The following GPC5 variants were observed in gnomAD, a reference collection of about 807,000 sequenced individuals.
GPC5 encodes the protein glypican-5.
GPC5 carries 47 observed loss-of-function variants against 53.9 expected under a neutral mutation model. The observed-to-expected ratio is 0.87, with a 90% CI of 0.69 to 1.11. GPC5 has a LOEUF of 1.11. Ranked by LOEUF, GPC5 falls within the 50% of genes most tolerant of loss-of-function variation. GPC5 has a pLI of 0.00. For synonymous variants in GPC5, 286 were observed against 263.3 expected, an observed-to-expected ratio of 1.09 and a Z score of -0.84; for missense variants, 748 against 713.1, an observed-to-expected ratio of 1.05 and a Z score of -0.56.
At chr13:91,885,551 T>G (rs535934753) in intron 5 of GPC5, among the ~76,000 whole-genome samples, 162 of 152,340 alleles carry the variant, frequency 1.1e-3, no homozygotes, top group African/African-American at 3.7e-3. Context: ...CAAACCATTC[T>G]CGAGGTGAAA....
chr13:92,008,798 C>T (rs1314842810), intron 6 of GPC5, among the ~76,000 whole-genome samples: 1 of 152,098 alleles, frequency 6.6e-6, no homozygotes, highest in Non-Finnish European at 1.5e-5. Context: ...ATTACAGTTT[C>T]ACATATGTTG....
chr13:92,385,437 CATAT>C (rs796970443), intron 7 of GPC5, among the ~76,000 whole-genome samples: 1 of 64,066 alleles, frequency 1.6e-5, no homozygotes, highest in Non-Finnish European at 3.1e-5. Flanking sequence ...TACATATATA[CATAT>C]ATACATATAT....
intron 1 of GPC5, among the ~76,000 whole-genome samples, chr13:91,400,810 A>G (rs749557630): frequency 8.5e-5 from 13 of 152,170 alleles, no homozygotes; most frequent in Admixed American, 2.0e-4. Flanking sequence ...TCTTTTAAAG[A>G]TGAACTTTCC....
At chr13:91,730,587 CA>C (rs1184493057) in intron 4 of GPC5, among the ~76,000 whole-genome samples, 4 of 152,102 alleles carry the variant, frequency 2.6e-5, no homozygotes, top group Non-Finnish European at 5.9e-5. Context: ...AGCAACTAAC[CA>C]AATAACCAGC....
At chr13:91,650,536 G>A (rs1594380601) in intron 2 of GPC5, among the ~76,000 whole-genome samples, 1 of 134,522 alleles carries the variant, frequency 7.4e-6, no homozygotes, top group Admixed American at 6.9e-5. Flanking sequence ...AAAACAAAAT[G>A]AAAACAAAAC....
At chr13:92,714,726 T>C (rs961567764) in intron 7 of GPC5, among the ~76,000 whole-genome samples, 2 of 152,154 alleles carry the variant, frequency 1.3e-5, no homozygotes, top group African/African-American at 4.8e-5. Context: ...CCACATCCCA[T>C]ATAACAACTG....
chr13:92,492,918 C>A (rs979318612), intron 7 of GPC5, among the ~76,000 whole-genome samples: 1 of 152,114 alleles, frequency 6.6e-6, no homozygotes, highest in Non-Finnish European at 1.5e-5. Flanking sequence ...TAATTTTTTT[C>A]CATCTGATAG....
chr13:91,649,749 T>A (rs1264292031), intron 2 of GPC5, among the ~76,000 whole-genome samples: 2 of 152,206 alleles, frequency 1.3e-5, no homozygotes, highest in Non-Finnish European at 2.9e-5. Context: ...TTTATGTGGC[T>A]GCCCTTCACC....
At chr13:91,436,343 T>C (rs1248682585) in intron 1 of GPC5, among the ~76,000 whole-genome samples, 6 of 151,918 alleles carry the variant, frequency 3.9e-5, no homozygotes, top group African/African-American at 1.4e-4. Context: ...AATTTCCCTC[T>C]ACACACTGCT....
In GPC5 at chr13:92,777,923, T is replaced by TA. The variant is rs1875877949; in HGVS notation, c.1562-88356dup. The stretch of plus-strand genomic sequence containing the variant: ...TTAGTAGTGCCACTGAATAAAATCT[T>TA]AAAGTTTGCTTGACTAAATTAAATG... On this transcript the variant is annotated intron_variant, in intron 7 of 7. Coordinates refer to ENST00000377067, the MANE Select transcript of GPC5 (RefSeq NM_004466.6). 4.6e-5 allele frequency among the ~76,000 whole-genome samples: 7 copies of TA among 152,342 alleles called. No individual in the cohort carries two copies. In the South Asian group the frequency reaches 1.4e-3, roughly 32 times the overall value.
chr13:91,762,447 TTCATTTTAA>T (rs550608223), intron 5 of GPC5, among the ~76,000 whole-genome samples: 1 of 152,250 alleles, frequency 6.6e-6, no homozygotes, highest in Non-Finnish European at 1.5e-5. Flanking sequence ...AGTTTTGAAC[TTCATTTTAA>T]AAACGATCAG....
At chr13:91,667,033 G>C (rs2035131613) in intron 2 of GPC5, among the ~76,000 whole-genome samples, 1 of 152,104 alleles carries the variant, frequency 6.6e-6, no homozygotes, top group Admixed American at 6.6e-5. Context: ...AGAGAATTAT[G>C]TTTGCTGCTT....
chr13:92,802,362 A>G (rs1876937183), intron 7 of GPC5, among the ~76,000 whole-genome samples: 1 of 151,686 alleles, frequency 6.6e-6, no homozygotes, highest in African/African-American at 2.4e-5. Flanking sequence ...ACCTATTCCC[A>G]CCACTAAGCA....
chr13:91,798,536 G>A (rs1322287441), intron 5 of GPC5, among the ~76,000 whole-genome samples: 1 of 152,054 alleles, frequency 6.6e-6, no homozygotes, highest in African/African-American at 2.4e-5. Context: ...CCTTTTTATG[G>A]CTGCATAGTA....
At chr13:91,623,110 T>C (rs1383029982) in intron 2 of GPC5, among the ~76,000 whole-genome samples, 1 of 152,144 alleles carries the variant, frequency 6.6e-6, no homozygotes, top group Non-Finnish European at 1.5e-5. Flanking sequence ...GCCTGTCATC[T>C]ATCTCCATCT....
intron 3 of GPC5, among the ~76,000 whole-genome samples, chr13:91,728,111 T>C (rs1436898017): frequency 1.3e-5 from 2 of 152,170 alleles, no homozygotes; most frequent in Non-Finnish European, 2.9e-5. Flanking sequence ...ATATTTGCTT[T>C]TGGCCTTGGA....
chr13:91,927,017 A>G (rs902826184), intron 6 of GPC5, among the ~76,000 whole-genome samples: 7 of 152,210 alleles, frequency 4.6e-5, no homozygotes, highest in African/African-American at 1.7e-4. Context: ...TCGTATACAA[A>G]TATTTCTCAA....
intron 5 of GPC5, among the ~76,000 whole-genome samples, chr13:91,832,448 T>A (rs1182678805): frequency 6.6e-6 from 1 of 152,004 alleles, no homozygotes; most frequent in African/African-American, 2.4e-5. Context: ...CCAGTCTGTG[T>A]CTTTTAATTG....
At chr13:92,054,924 G>A (rs1443958905) in intron 6 of GPC5, among the ~76,000 whole-genome samples, 2 of 151,972 alleles carry the variant, frequency 1.3e-5, no homozygotes, top group Non-Finnish European at 1.5e-5. Flanking sequence ...GAGTTTTATG[G>A]GTATCCCATA....
Sources: allele counts gnomAD v4.1 joint callset (sites outside exome capture counted in the v4.1 genomes callset), GRCh38; gene constraint gnomAD v4.1.1; transcripts MANE v1.5; gene names NCBI Gene and HGNC (gene_info 2026-07-23, HGNC 2026-07-21).